Variants in MYO5B observed in about 807,000 individuals in gnomAD.
The protein encoded by MYO5B is myosin VB, also known as unconventional myosin-Vb.
Under a neutral mutation model 229.3 loss-of-function variants are expected in MYO5B, and 143 were observed. The observed-to-expected ratio is 0.62, with a 90% CI of 0.54 to 0.72. MYO5B has a LOEUF of 0.72. Ranked by LOEUF, MYO5B falls within the 30% of genes least tolerant of loss-of-function variation. MYO5B has a pLI of 0.00. For synonymous variants in MYO5B, 918 were observed against 885.2 expected, an observed-to-expected ratio of 1.04 and a Z score of -0.66; for missense variants, 2,321 against 2,331.0, an observed-to-expected ratio of 1.00 and a Z score of 0.09.
intron 19 of MYO5B, 54 bp downstream of exon 19, chr18:49,906,365 C>A (rs915561082): frequency 1.3e-6 from 2 of 1,548,368 alleles, no homozygotes. Flanking sequence ...GAAAGGCAGA[C>A]CCCCATCTTC....
At position 50,041,759 on chromosome 18, in the gene MYO5B, T is replaced by C. The variant is rs377636961; in HGVS notation, c.139-1445A>G. ...GAATTATGCAAAAGCCAAAACCATG[T>C]AGGAAAATATTTATAAATTTGACTA... On this transcript the variant is annotated intron_variant, in intron 2 of 39. Coordinates refer to ENST00000285039, the MANE Select transcript of MYO5B (RefSeq NM_001080467.3). 2.7e-3 allele frequency among the ~76,000 whole-genome samples: 408 copies of C among 152,308 alleles called. 2 individuals are homozygous for C. In the Middle Eastern group the frequency reaches 0.044, roughly 17 times the overall value.
At position 49,874,563 on chromosome 18, in the gene MYO5B, A is replaced by G. The variant is rs188908751; in HGVS notation, c.3537+1124T>C. Among the ~76,000 whole-genome samples the G allele has an allele frequency of 4.6e-5, 7 of 152,378 alleles. No homozygotes were observed. In the East Asian group the frequency reaches 1.3e-3, roughly 29 times the overall value. On this transcript the variant is annotated intron_variant, in intron 26 of 39. Coordinates refer to ENST00000285039, the MANE Select transcript of MYO5B (RefSeq NM_001080467.3). Reference sequence around the variant, plus strand: ...CCACTTACTGCTCAGGGGGAAAAAAAACAAGAATTTGCCAGCAATATAGAT... The same window carrying G: ...CCACTTACTGCTCAGGGGGAAAAAAGACAAGAATTTGCCAGCAATATAGAT...
At chr18:49,897,526 A>G (rs2024792615) in intron 21 of MYO5B, among the ~76,000 whole-genome samples, 1 of 152,224 alleles carries the variant, frequency 6.6e-6, no homozygotes, top group Non-Finnish European at 1.5e-5. Flanking sequence ...TAGATATGCA[A>G]TGTGAAATAA....
chr18:50,002,104 A>G (rs1334984513), intron 4 of MYO5B, among the ~76,000 whole-genome samples: 1 of 152,010 alleles, frequency 6.6e-6, no homozygotes, highest in Admixed American at 6.6e-5. Flanking sequence ...TTTCCCTAAC[A>G]TTCCCATCTT....
chr18:49,858,406 C>T (rs1457834867), intron 29 of MYO5B, among the ~76,000 whole-genome samples: 3 of 152,228 alleles, frequency 2.0e-5, no homozygotes, highest in Non-Finnish European at 4.4e-5. Flanking sequence ...GGAACAAGTG[C>T]AGGGATCCTG....
chr18:50,070,434 T>TC (rs2030929457), intron 1 of MYO5B, among the ~76,000 whole-genome samples: 1 of 151,966 alleles, frequency 6.6e-6, no homozygotes, highest in African/African-American at 2.4e-5. Flanking sequence ...GACAAAACTG[T>TC]CCCCAGAGGA....
intron 21 of MYO5B, among the ~76,000 whole-genome samples, chr18:49,899,270 T>C (rs2024814635): frequency 6.6e-6 from 1 of 152,170 alleles, no homozygotes; most frequent in Admixed American, 6.5e-5. Context: ...AAAAATTCAC[T>C]TGCAAACAGC....
intron 4 of MYO5B, among the ~76,000 whole-genome samples, chr18:50,020,771 G>T (rs1288619318): frequency 1.3e-5 from 2 of 152,212 alleles, no homozygotes; most frequent in Non-Finnish European, 2.9e-5. Flanking sequence ...TGGCATAGAT[G>T]ACTTTCTCTA....
intron 14 of MYO5B, among the ~76,000 whole-genome samples, chr18:49,943,520 G>T (rs2144225930): frequency 6.6e-6 from 1 of 152,298 alleles, no homozygotes; most frequent in Non-Finnish European, 1.5e-5. Flanking sequence ...ACCGATATTT[G>T]TATTAGGTAC....
At chr18:49,889,910 G>A (rs1598859907) in intron 22 of MYO5B, among the ~76,000 whole-genome samples, 1 of 152,152 alleles carries the variant, frequency 6.6e-6, no homozygotes, top group South Asian at 2.1e-4. Context: ...TTTGAGGCTT[G>A]TTGCTTCCCT....
intron 4 of MYO5B, among the ~76,000 whole-genome samples, chr18:50,001,827 C>T (rs879179156): frequency 3.3e-5 from 5 of 151,888 alleles, no homozygotes; most frequent in South Asian, 4.2e-4. Context: ...GTCAGGAGTT[C>T]GAGGCCATCC....
intron 8 of MYO5B, among the ~76,000 whole-genome samples, chr18:49,982,268 G>A (rs6507961): frequency 0.012 from 1,887 of 152,142 alleles, 39 homozygotes; most frequent in African/African-American, 0.043. Context: ...AGGGTCTCCC[G>A]TGTTGCCCAG....
At chr18:49,911,150 G>T (rs1201255489) in intron 18 of MYO5B, among the ~76,000 whole-genome samples, 2 of 152,190 alleles carry the variant, frequency 1.3e-5, no homozygotes, top group Non-Finnish European at 2.9e-5. Flanking sequence ...TGGCTTCAGG[G>T]CTAGGCCTGG....
At chr18:49,951,739 A>G (rs1749207326) in intron 14 of MYO5B, among the ~76,000 whole-genome samples, 1 of 152,114 alleles carries the variant, frequency 6.6e-6, no homozygotes, top group Admixed American at 6.5e-5. Context: ...ACAAACTTCT[A>G]CTGAGACAAC....
At chr18:50,049,024 G>GAAA (rs33975553) in intron 2 of MYO5B, among the ~76,000 whole-genome samples, 14 of 126,600 alleles carry the variant, frequency 1.1e-4, no homozygotes, top group South Asian at 1.1e-3. Flanking sequence ...TCCATCTCAG[G>GAAA]AAAAAAAAAA....
At chr18:50,092,986 C>T (rs921749940) in intron 1 of MYO5B, among the ~76,000 whole-genome samples, 7 of 152,026 alleles carry the variant, frequency 4.6e-5, no homozygotes, top group Non-Finnish European at 8.8e-5. Flanking sequence ...CAGAAGAAAC[C>T]TTAACAAACA....
Position 49,974,389 on chromosome 18 carries a change from AG to A in MYO5B, c.1282del (p.Leu428SerfsTer20). ...GACCCCGATGAAGGAGTGCTGCTTG[AG>A]GGAGGTGTGCAGGGCCTTGTTGATG... ...EHINKALHTS[L>X]KQHSFIGVLD... On this transcript the variant is annotated frameshift_variant, in exon 10 of 40. Transcript: ENST00000285039. LOFTEE classifies it high-confidence loss of function. The A allele has an allele frequency of 1.2e-6, 2 of 1,614,208 alleles. No individual in the cohort carries two copies. Among genetic ancestry groups the A allele is most frequent in the Non-Finnish European group, 1.7e-6 (2 of 1,180,014 alleles).
At chr18:49,972,042 A>C (rs1041779372) in intron 10 of MYO5B, among the ~76,000 whole-genome samples, 1 of 152,168 alleles carries the variant, frequency 6.6e-6, no homozygotes, top group African/African-American at 2.4e-5. Flanking sequence ...CCCTGCCCTC[A>C]TGGAAGAGCT....
At chr18:50,035,896 T>A (rs2026442702) in intron 4 of MYO5B, among the ~76,000 whole-genome samples, 1 of 152,142 alleles carries the variant, frequency 6.6e-6, no homozygotes, top group South Asian at 2.1e-4. Context: ...CAGCCAGCAA[T>A]AAAGCACTAT....
Sources: allele counts gnomAD v4.1 joint callset (sites outside exome capture counted in the v4.1 genomes callset), GRCh38; gene constraint gnomAD v4.1.1; transcripts MANE v1.5; gene names NCBI Gene and HGNC (gene_info 2026-07-23, HGNC 2026-07-21).